Variants in MYOF observed in about 807,000 individuals in gnomAD.
The protein encoded by MYOF is myoferlin.
A neutral mutation model predicts 284.2 loss-of-function variants in MYOF; 244 were observed. The observed-to-expected ratio is 0.86, with a 90% confidence interval of 0.77 to 0.95. The LOEUF (loss-of-function observed/expected upper bound fraction) is 0.95. MYOF is among the 40% of genes least tolerant of loss of function. The pLI is 0.00. For missense variants in MYOF, 2,496 were observed against 2,560.6 expected (o/e 0.97, Z 0.54); for synonymous variants, 904 against 919.7 (o/e 0.98, Z 0.31).
intron 5 of MYOF, among the ~76,000 whole-genome samples, chr10:93,419,570 G>A (rs574848448): frequency 1.3e-5 from 2 of 152,274 alleles, no homozygotes; most frequent in South Asian, 4.1e-4. Flanking sequence ...TAACAATTAT[G>A]ACTTCTCAAG....
intron 3 of MYOF, among the ~76,000 whole-genome samples, chr10:93,445,273 A>C (rs2056397736): frequency 6.6e-6 from 1 of 152,238 alleles, no homozygotes; most frequent in Non-Finnish European, 1.5e-5. Flanking sequence ...GACCTTGAGC[A>C]GGTTACTAAA....
rs539479166 is a variant in MYOF, at chr10:93,326,082, C to T, written c.5132-117G>A. On this transcript the variant is annotated intron_variant, in intron 45 of 53. Coordinates refer to ENST00000359263, the MANE Select transcript of MYOF (RefSeq NM_013451.4). ...CTTTGCCAAAATGGACAGGCAGTGCCAACATGCAAACTTTGACTTGTGAAG... is the reference window on the plus strand; with the variant it reads ...CTTTGCCAAAATGGACAGGCAGTGCTAACATGCAAACTTTGACTTGTGAAG... 290 of 1,300,538 alleles carry T rather than the reference C, an allele frequency of 2.2e-4. 3 individuals carry two copies. In the South Asian group the frequency reaches 3.6e-3, roughly 16 times the overall value. The allele number at this position is 1,300,538 out of a possible 1,614,324, so 80.6% of individuals were successfully genotyped here. A position where few individuals can be genotyped will look rare whatever the true frequency, so the allele number is the denominator to read the frequency against.
intron 35 of MYOF, among the ~76,000 whole-genome samples, chr10:93,350,270 C>T (rs918041602): frequency 7.9e-5 from 12 of 151,966 alleles, no homozygotes; most frequent in South Asian, 4.1e-4. Flanking sequence ...CAAGACTGAT[C>T]GTATTATCTG....
chr10:93,341,999 C>T, intron 38 of MYOF: 1 of 1,269,928 alleles, frequency 7.9e-7, no homozygotes, highest in Non-Finnish European at 1.0e-6. Flanking sequence ...GTTGAGATGG[C>T]CATGTACACA....
intron 5 of MYOF, among the ~76,000 whole-genome samples, chr10:93,413,542 C>T (rs1235122399): frequency 6.6e-6 from 1 of 152,190 alleles, no homozygotes; most frequent in Non-Finnish European, 1.5e-5. Flanking sequence ...ATGTGATCCA[C>T]AGCCAAGTGG....
At chr10:93,347,058 G>A (rs1046200200) in intron 37 of MYOF, among the ~76,000 whole-genome samples, 1 of 152,166 alleles carries the variant, frequency 6.6e-6, no homozygotes, top group African/African-American at 2.4e-5. Flanking sequence ...GCTTCAGAGA[G>A]GAATCCCTCG....
In MYOF at chr10:93,333,808, T is replaced by A; in HGVS notation, c.4669A>T (p.Ile1557Phe). ...DSVPQECTVR[I>F]YIVRGLELQP... Reference sequence around the variant, plus strand: ...AGCTCTAAGCCTCGAACAATGTAAATCCTAACCGTGCATTCCTGTGGGACG... The same window carrying A: ...AGCTCTAAGCCTCGAACAATGTAAAACCTAACCGTGCATTCCTGTGGGACG... The change falls in exon 42 of 54, where the codon ATT (isoleucine) becomes TTT (phenylalanine). Residue 1557 changes from isoleucine to phenylalanine, a missense_variant. By Grantham distance (21) the Ile-to-Phe change is conservative. Transcript: ENST00000359263. The A allele has an allele frequency of 6.2e-7, 1 of 1,614,086 alleles. No homozygotes were observed. Among genetic ancestry groups the A allele is most frequent in the Non-Finnish European group, 8.5e-7 (1 of 1,180,030 alleles).
At chr10:93,425,836 C>T (rs530643207) in intron 5 of MYOF, 14 of 561,354 alleles carry the variant, frequency 2.5e-5, no homozygotes, top group African/African-American at 7.5e-5. Context: ...TTGTGCTCAC[C>T]GTGAGGTTGT....
intron 37 of MYOF, among the ~76,000 whole-genome samples, chr10:93,346,024 A>G (rs1214177850): frequency 1.3e-5 from 2 of 152,202 alleles, no homozygotes; most frequent in Non-Finnish European, 1.5e-5. Flanking sequence ...TCATGAAAAC[A>G]GTAAGAAAAA....
chr10:93,426,055 A>C lies in MYOF; in HGVS notation c.433+16T>G. ...TCCCCCTGGGGGTGGCTGGGCCTTC[A>C]GAAGGGTCAGCTTACCTCCCATGCC... On this transcript the variant is annotated intron_variant, in intron 5 of 53. Transcript: ENST00000359263. 1 of 1,551,016 alleles carries C rather than the reference A, an allele frequency of 6.4e-7. No individual in the cohort carries two copies. Among genetic ancestry groups the C allele is most frequent in the Non-Finnish European group, 8.7e-7 (1 of 1,147,178 alleles).
intron 19 of MYOF, among the ~76,000 whole-genome samples, chr10:93,387,264 G>A (rs898812197): frequency 7.9e-5 from 12 of 152,226 alleles, no homozygotes; most frequent in African/African-American, 2.4e-4. Flanking sequence ...AAGGAGGGCC[G>A]CGGGCAGAGG....
At chr10:93,405,657 G>C (rs1449766788) in intron 7 of MYOF, among the ~76,000 whole-genome samples, 1 of 152,088 alleles carries the variant, frequency 6.6e-6, no homozygotes, top group Admixed American at 6.6e-5. Flanking sequence ...ATGCAAATTG[G>C]CCATTTGACA....
chr10:93,310,160 C>G lies in MYOF; in HGVS notation c.6007G>C (p.Glu2003Gln). The G allele has an allele frequency of 6.2e-7, 1 of 1,614,030 alleles. No homozygotes were observed. Among genetic ancestry groups the G allele is most frequent in the Non-Finnish European group, 8.5e-7 (1 of 1,179,912 alleles). ...NPKLDLPNRPETSFLWFTNPC... is the reference protein window; with the variant it reads ...NPKLDLPNRPQTSFLWFTNPC... ...TTGGTGAACCAGAGGAAGGAGGTTTCTGGTCGACTGCATTGCAAAGAAACA... is the reference window on the plus strand; with the variant it reads ...TTGGTGAACCAGAGGAAGGAGGTTTGTGGTCGACTGCATTGCAAAGAAACA... Residue 2003 changes from glutamate (E) to glutamine (Q), a missense_variant, in exon 53 of 54, where the codon GAA (glutamate) becomes CAA (glutamine). Physicochemically the swap from Glu to Gln is conservative, Grantham distance 29 (BLOSUM62 2). Around this residue, in one of 3 missense-constraint regions of MYOF, gnomAD observed 2,436 missense variants for 2,480.7 expected, o/e 0.98. Coordinates refer to ENST00000359263, the MANE Select transcript of MYOF (RefSeq NM_013451.4).
chr10:93,357,540 G>A (rs770030974), intron 29 of MYOF, among the ~76,000 whole-genome samples: 3 of 152,162 alleles, frequency 2.0e-5, no homozygotes, highest in Non-Finnish European at 2.9e-5. Flanking sequence ...ACATTTTCAT[G>A]GCAGAAGTTT....
At chr10:93,344,743 AAAAAAAAAAG>A (rs1276994783) in intron 37 of MYOF, among the ~76,000 whole-genome samples, 4 of 151,278 alleles carry the variant, frequency 2.6e-5, no homozygotes, top group Non-Finnish European at 5.9e-5. Context: ...AAAAAAAAAA[AAAAAAAAAAG>A]AAGGGAAAGG....
chr10:93,397,350 A>G, intron 14 of MYOF, 38 bp downstream of exon 14: 1 of 1,595,798 alleles, frequency 6.3e-7, no homozygotes, highest in South Asian at 1.1e-5. Flanking sequence ...TTATTAAGTA[A>G]GTATTCTTAC....
intron 1 of MYOF, among the ~76,000 whole-genome samples, chr10:93,480,395 T>A (rs1036387324): frequency 2.2e-4 from 33 of 151,308 alleles, no homozygotes; most frequent in African/African-American, 6.1e-4. Context: ...TTCAAAAAAA[T>A]TTTTTTAAAT....
At chr10:93,478,313 A>G in intron 1 of MYOF, 1 of 222,310 alleles carries the variant, frequency 4.5e-6, no homozygotes, top group South Asian at 5.7e-5. Flanking sequence ...TTAGGGCAGA[A>G]TGGCCACCCC....
chr10:93,452,827 T>G (rs995340290), intron 2 of MYOF, among the ~76,000 whole-genome samples: 8 of 152,192 alleles, frequency 5.3e-5, no homozygotes, highest in African/African-American at 1.7e-4. Context: ...ACAAAGAAGA[T>G]GAATAATCTA....
Sources: allele counts gnomAD v4.1 joint callset (sites outside exome capture counted in the v4.1 genomes callset), GRCh38; gene constraint gnomAD v4.1.1; regional missense constraint gnomAD v4.1.1; transcripts MANE v1.5; gene names NCBI Gene and HGNC (gene_info 2026-07-23, HGNC 2026-07-21).